Variants in RYR2 observed in about 807,000 individuals in gnomAD.
The protein encoded by RYR2 is cardiac muscle ryanodine receptor-calcium release channel.
Under a neutral mutation model 601.1 loss-of-function variants are expected in RYR2, and 227 were observed. The observed-to-expected ratio is 0.38, with a 90% CI of 0.34 to 0.42. The LOEUF (loss-of-function observed/expected upper bound fraction) is 0.42. Among genes scored for constraint, RYR2 ranks in the 10% least tolerant of loss-of-function variants. RYR2 has a pLI of 1.00. For synonymous variants in RYR2, 2,223 were observed against 2,175.1 expected, an observed-to-expected ratio of 1.02 and a Z score of -0.61; for missense variants, 4,646 against 6,156.5, an observed-to-expected ratio of 0.75 and a Z score of 8.21.
At chr1:237,682,164 G>C (rs1309956207) in intron 62 of RYR2, among the ~76,000 whole-genome samples, 1 of 152,020 alleles carries the variant, frequency 6.6e-6, no homozygotes, top group Non-Finnish European at 1.5e-5. Flanking sequence ...TGTGTGTTTT[G>C]GGTATATATG....
intron 24 of RYR2, among the ~76,000 whole-genome samples, chr1:237,525,499 G>A (rs891592262): frequency 5.3e-5 from 8 of 151,810 alleles, no homozygotes; most frequent in African/African-American, 9.7e-5. Context: ...TGCCTAGGTT[G>A]GAGTGCAGTG....
chr1:237,830,328 T>C (rs1663632486), intron 102 of RYR2: 1 of 460,926 alleles, frequency 2.2e-6, no homozygotes. Flanking sequence ...TTGCTGCTGG[T>C]ACCTGTGTCA....
chr1:237,764,809 T>G (rs1481502454), intron 84 of RYR2, among the ~76,000 whole-genome samples: 1 of 152,186 alleles, frequency 6.6e-6, no homozygotes, highest in Admixed American at 6.5e-5. Flanking sequence ...AATTTTGCAT[T>G]TATTGTTAAG....
At chr1:237,506,143 G>A (rs1294093938) in intron 22 of RYR2, among the ~76,000 whole-genome samples, 1 of 142,038 alleles carries the variant, frequency 7.0e-6, no homozygotes, top group Non-Finnish European at 1.5e-5. Flanking sequence ...ACATCTTTTG[G>A]TTGTCCCCAC....
intron 1 of RYR2, among the ~76,000 whole-genome samples, chr1:237,201,305 G>T (rs1040925837): frequency 3.9e-5 from 6 of 152,134 alleles, no homozygotes; most frequent in Non-Finnish European, 8.8e-5. Context: ...ATTATTCAAG[G>T]TCTTGTTTTA....
Position 237,610,705 on chromosome 1 carries a change from T to C in RYR2, c.4684-57T>C. 1 of 1,406,624 alleles carries C rather than the reference T, an allele frequency of 7.1e-7. No individual in the cohort carries two copies. Among genetic ancestry groups the C allele is most frequent in the Non-Finnish European group, 9.7e-7 (1 of 1,027,008 alleles). 87.1% of individuals were successfully genotyped at this position (1,406,624 alleles called of 1,614,324 possible). On this transcript the variant is annotated intron_variant, in intron 35 of 104. Transcript: ENST00000366574. The surrounding 1 kb of genome is among the most constrained non-coding windows in gnomAD (Gnocchi z 4.9). The stretch of plus-strand genomic sequence containing the variant: ...CCTGTGCAGAATTCTAGTCATTACT[T>C]TGTGAACCCCAAGGGATGTTCTACA...
intron 3 of RYR2, among the ~76,000 whole-genome samples, chr1:237,340,492 C>G (rs1013769130): frequency 2.6e-5 from 4 of 152,100 alleles, no homozygotes; most frequent in Non-Finnish European, 5.9e-5. Context: ...CAACACTCTC[C>G]CCTTGTACGT....
chr1:237,091,488 G>A (rs1214442117), intron 1 of RYR2, among the ~76,000 whole-genome samples: 4 of 151,966 alleles, frequency 2.6e-5, no homozygotes, highest in African/African-American at 9.7e-5. Context: ...GCAGTGGCAC[G>A]ATCTTGGCTC....
At chr1:237,207,680 T>C (rs1681973040) in intron 1 of RYR2, among the ~76,000 whole-genome samples, 1 of 152,152 alleles carries the variant, frequency 6.6e-6, no homozygotes, top group African/African-American at 2.4e-5. Context: ...AAAAAATAAA[T>C]TTCTGTTCTA....
At chr1:237,113,798 A>C (rs9287218) in intron 1 of RYR2, among the ~76,000 whole-genome samples, 14,930 of 152,262 alleles carry the variant, frequency 0.098, 1,268 homozygotes, top group African/African-American at 0.23. Context: ...AGATGAACTT[A>C]GATCACATTT....
chr1:237,502,286 T>C lies in RYR2; in HGVS notation c.2397-1003T>C, dbSNP rs77017933. 9.9e-3 allele frequency among the ~76,000 whole-genome samples: 1,502 copies of C among 152,338 alleles called. 26 individuals carry two copies. Among genetic ancestry groups the C allele is most frequent in the African/African-American group, 0.032 (1,336 of 41,564 alleles). ...TTCAATGGAACTCAGATTAAAATAGTTTTGCTTAAATGAGCAGAATGTATA... is the reference window on the plus strand; with the variant it reads ...TTCAATGGAACTCAGATTAAAATAGCTTTGCTTAAATGAGCAGAATGTATA... On this transcript the variant is annotated intron_variant, in intron 21 of 104. Transcript: ENST00000366574.
chr1:237,461,189 C>A (rs998311658), intron 16 of RYR2, among the ~76,000 whole-genome samples: 8 of 152,190 alleles, frequency 5.3e-5, no homozygotes, highest in African/African-American at 1.9e-4. Flanking sequence ...ATTTTATATT[C>A]TATTATTCTA....
chr1:237,436,884 A>G (rs1707437817), intron 12 of RYR2, among the ~76,000 whole-genome samples: 1 of 149,854 alleles, frequency 6.7e-6, no homozygotes, highest in South Asian at 2.1e-4. Flanking sequence ...TCTAGTATGT[A>G]TATATCACTT....
chr1:237,535,092 C>A, intron 25 of RYR2, among the ~76,000 whole-genome samples: 1 of 150,134 alleles, frequency 6.7e-6, no homozygotes, highest in Admixed American at 6.7e-5. Context: ...AATTGTAAAA[C>A]AATAATGGAA....
intron 37 of RYR2, among the ~76,000 whole-genome samples, chr1:237,616,217 G>A (rs1214826666): frequency 6.6e-6 from 1 of 152,100 alleles, no homozygotes; most frequent in Non-Finnish European, 1.5e-5. Context: ...TGACACAGAG[G>A]GTTTTAAGGT....
intron 1 of RYR2, among the ~76,000 whole-genome samples, chr1:237,114,925 A>T (rs1221287522): frequency 6.6e-6 from 1 of 152,198 alleles, no homozygotes; most frequent in Non-Finnish European, 1.5e-5. Flanking sequence ...ATGACTGAAC[A>T]TGCACTCAAC....
chr1:237,579,358 G>A (rs565702063), intron 29 of RYR2, among the ~76,000 whole-genome samples: 13 of 150,344 alleles, frequency 8.6e-5, no homozygotes, highest in Non-Finnish European at 1.9e-4. Flanking sequence ...CTGAGTTCAA[G>A]CGATTCTCCT....
At chr1:237,733,181 A>G (rs1258093586) in intron 78 of RYR2, among the ~76,000 whole-genome samples, 3 of 152,188 alleles carry the variant, frequency 2.0e-5, no homozygotes, top group Non-Finnish European at 4.4e-5. Flanking sequence ...TTTTAGGTAT[A>G]TTTTTGGTGG....
intron 84 of RYR2, among the ~76,000 whole-genome samples, chr1:237,766,453 G>A (rs1693855063): frequency 6.6e-6 from 1 of 151,956 alleles, no homozygotes; most frequent in African/African-American, 2.4e-5. Flanking sequence ...TATGCCTAAT[G>A]ATAGATTAGA....
Sources: gnomAD v4.1 joint callset for allele counts (sites outside exome capture counted in the v4.1 genomes callset) on GRCh38, gnomAD v4.1.1 for gene constraint, Gnocchi (gnomAD v3.1) non-coding constraint, MANE v1.5 for transcripts, NCBI Gene and HGNC (gene_info 2026-07-23, HGNC 2026-07-21) for gene names.